BICDL2: variants seen among roughly 807,000 people sequenced by gnomAD.
The protein encoded by BICDL2 is BICD family like cargo adaptor 2.
BICDL2 carries 62 observed loss-of-function variants against 56.6 expected under a neutral mutation model. The ratio of observed to expected loss-of-function variants is 1.10; its 90% confidence interval spans 0.89 to 1.35. The LOEUF (loss-of-function observed/expected upper bound fraction) is 1.35, where lower values mean the gene tolerates loss of function less well. Ranked by LOEUF, BICDL2 falls within the 40% of genes most tolerant of loss-of-function variation. BICDL2 has a pLI of 0.00. For synonymous variants in BICDL2, 358 were observed against 319.8 expected (o/e 1.12, Z -1.27); for missense variants, 808 against 684.5 (o/e 1.18, Z -2.01).
Position 3,030,428 on chromosome 16 carries a change from TC to T in BICDL2, c.762+20del. 1 of 1,595,096 alleles carries T rather than the reference TC, an allele frequency of 6.3e-7. No individual in the cohort carries two copies. Reference sequence around the variant, plus strand: ...TTGCTAAGGGTCCAGGCAGTTGTAGTCCCCCAGCCCTGCAGGTCACCTCCAG... The same window carrying T: ...TTGCTAAGGGTCCAGGCAGTTGTAGTCCCCAGCCCTGCAGGTCACCTCCAG... On this transcript the variant is annotated intron_variant, in intron 5 of 9. Coordinates refer to ENST00000572449, the MANE Select transcript of BICDL2 (RefSeq NM_001369667.1).
Position 3,028,794 on chromosome 16 carries a change from C to T in BICDL2, c.1144G>A (p.Glu382Lys), listed in dbSNP as rs1325372321. 2.6e-6 allele frequency: 4 copies of T among 1,556,034 alleles called. No homozygotes were observed. The highest frequency in any genetic ancestry group is 2.4e-5 in the East Asian group (1 of 41,452). Reference sequence around the variant, plus strand: ...AGCTCCTTCTGCCTCTGCAGCTCTTCCCGCAGGGACTGCAGCTCTGCCTGC... The same window carrying T: ...AGCTCCTTCTGCCTCTGCAGCTCTTTCCGCAGGGACTGCAGCTCTGCCTGC... The part of the protein sequence containing the change: ...LQQAELQSLR[E>K]ELQRQKELRA... Residue 382 changes from glutamate to lysine, a missense_variant, in exon 8 of 10, where the codon GAA (glutamate) becomes AAA (lysine). By Grantham distance (56) the Glu-to-Lys change is moderately conservative (BLOSUM62 1). Coordinates refer to ENST00000572449, the MANE Select transcript of BICDL2 (RefSeq NM_001369667.1).
Position 3,028,377 on chromosome 16 carries a change from C to G in BICDL2, c.1330G>C (p.Ala444Pro). 6.4e-7 allele frequency: 1 copy of G among 1,551,216 alleles called. No homozygotes were observed. Among genetic ancestry groups the G allele is most frequent in the Non-Finnish European group, 8.6e-7 (1 of 1,156,592 alleles). Reference sequence around the variant, plus strand: ...CAGGCCTCCAGCTCCTGCGTGAGCGCCACCTTCTGGCGGATGGCGCGCAGC... The same window carrying G: ...CAGGCCTCCAGCTCCTGCGTGAGCGGCACCTTCTGGCGGATGGCGCGCAGC... ...ELLRAIRQKV[A>P]LTQELEAWQD... Residue 444 changes from alanine (A) to proline (P), a missense_variant, in exon 9 of 10, where the codon GCG becomes CCG. Ala to Pro is a conservative substitution (Grantham distance 27). Coordinates refer to ENST00000572449, the MANE Select transcript of BICDL2 (RefSeq NM_001369667.1).
Position 3,030,490 on chromosome 16 carries a change from AC to A in BICDL2, c.720del (p.Glu240AspfsTer5). 1 of 1,603,478 alleles carries A rather than the reference AC, an allele frequency of 6.2e-7. No homozygotes were observed. Among genetic ancestry groups the A allele is most frequent in the Non-Finnish European group, 8.5e-7 (1 of 1,179,344 alleles). On this transcript the variant is annotated frameshift_variant, in exon 5 of 10. Coordinates refer to ENST00000572449, the MANE Select transcript of BICDL2 (RefSeq NM_001369667.1). LOFTEE classifies it high-confidence loss of function. ...CGCCGCTCCCGCCTCAGCAGCAGCA[AC>A]TCCTCGTGGGTGGTCTGCAGTCTGC... is the stretch of plus-strand genomic sequence containing the variant. The part of the protein sequence containing the change: ...GEGRLQTTHE[E>X]LLLLRRERRE...
chr16:3,036,606 G>A, intron 1 of BICDL2: 1 of 447,542 alleles, frequency 2.2e-6, no homozygotes, highest in Non-Finnish European at 4.5e-6. Context: ...CGCGGGCCCC[G>A]CTCCCCCGCC....
At chr16:3,030,280 C>T (rs569140959) in intron 5 of BICDL2, 169 bp downstream of exon 5, 17 of 823,276 alleles carry the variant, frequency 2.1e-5, no homozygotes, top group Middle Eastern at 3.6e-4. Flanking sequence ...CATGCCTCAC[C>T]TGCTCAACAG....
chr16:3,028,247 C>A lies in BICDL2; in HGVS notation c.1386G>T (p.Gln462His). 1 of 1,477,002 alleles carries A rather than the reference C, an allele frequency of 6.8e-7. No individual in the cohort carries two copies. The highest frequency in any genetic ancestry group is 1.4e-5 in the South Asian group (1 of 72,282). 91.5% of individuals were successfully genotyped at this position (1,477,002 alleles called of 1,614,324 possible). A position where few individuals can be genotyped will look rare whatever the true frequency, so the allele number is the denominator to read the frequency against. Residue 462 changes from glutamine to histidine, a missense_variant, in exon 10 of 10, where the codon CAG (glutamine) becomes CAT (histidine). Gln to His is a conservative substitution (Grantham distance 24). Coordinates refer to ENST00000572449, the MANE Select transcript of BICDL2 (RefSeq NM_001369667.1). ...CCTTCTGGCGCTGTGAGCGCAGCTG[C>A]TGCCCGATCACCACCTGCATGTCGT... ...WQDDMQVVIG[Q>H]QLRSQRQKEL...
rs895550020 is a variant in BICDL2 at position 3,027,812 on chromosome 16, T to C, written c.*294A>G. 14 of 905,336 alleles carry C rather than the reference T, an allele frequency of 1.5e-5. No homozygotes were observed. Among genetic ancestry groups the C allele is most frequent in the African/African-American group, 5.1e-5 (3 of 58,916 alleles). 56.1% of individuals were successfully genotyped at this position (905,336 alleles called of 1,614,324 possible). ...GTGGAGTGATTTATATATTACTCTG[T>C]CCGATCTTGATACATAAATACCCAG... is the stretch of plus-strand genomic sequence containing the variant. On this transcript the variant is annotated 3_prime_UTR_variant, in exon 10 of 10. Coordinates refer to ENST00000572449, the MANE Select transcript of BICDL2 (RefSeq NM_001369667.1).
At chr16:3,035,879 A>G (rs891084358) in intron 1 of BICDL2, 23 of 307,826 alleles carry the variant, frequency 7.5e-5, no homozygotes, top group African/African-American at 4.8e-4. Flanking sequence ...CATCTGAGAC[A>G]GTTCCCAGAA....
rs1185809004 is a variant in BICDL2, at chr16:3,031,685, C to T, written c.283-535G>A. 3.2e-5 allele frequency: 13 copies of T among 401,448 alleles called. 1 individual carries two copies. Among genetic ancestry groups the T allele is most frequent in the African/African-American group, 1.6e-4 (8 of 48,752 alleles). The allele number at this position is 401,448 out of a possible 1,614,324, so 24.9% of individuals were successfully genotyped here. A position where few individuals can be genotyped will look rare whatever the true frequency, so the allele number is the denominator to read the frequency against. On this transcript the variant is annotated intron_variant, in intron 2 of 9. Transcript: ENST00000572449. The stretch of plus-strand genomic sequence containing the variant: ...GCCCAGCGTGGGGAGGCAGATGAAT[C>T]GGGGGTTAACCTCTGGCCCACTCTC...
At position 3,030,962 on chromosome 16, in the gene BICDL2, G is replaced by C. The variant is rs547453341; in HGVS notation, c.471C>G (p.Asn157Lys). The change falls in exon 3 of 10, where the codon AAC becomes AAG. Residue 157 changes from asparagine (N) to lysine (K), a missense_variant. Coordinates refer to ENST00000572449, the MANE Select transcript of BICDL2 (RefSeq NM_001369667.1). ...GAGCCAGCTGCTGGCTGAGCCGGAG[G>C]TTCTGCTCGCTGAGCTCGCTGAGGG... ...ARALSELSEQ[N>K]LRLSQQLAQA... 6.4e-7 allele frequency: 1 copy of C among 1,550,894 alleles called. No individual in the cohort carries two copies. The highest frequency in any genetic ancestry group is 1.4e-5 in the African/African-American group (1 of 73,538).
At position 3,035,378 on chromosome 16, in the gene BICDL2, C is replaced by G; in HGVS notation, c.119G>C (p.Gly40Ala). The G allele has an allele frequency of 6.2e-7, 1 of 1,608,500 alleles. No homozygotes were observed. Among genetic ancestry groups the G allele is most frequent in the Non-Finnish European group, 8.5e-7 (1 of 1,178,306 alleles). Residue 40 changes from glycine to alanine, a missense_variant, in exon 2 of 10, where the codon GGG becomes GCG. Coordinates refer to ENST00000572449, the MANE Select transcript of BICDL2 (RefSeq NM_001369667.1). ...CTCGGGCTCCTCAGGCCCTGGGCCC[C>G]CTCCCAGGAATGAGTCCCGCCGCTC... ...VLERRDSFLG[G>A]GPGPEEPEDL...
intron 2 of BICDL2, chr16:3,035,013 A>G: frequency 1.7e-6 from 1 of 594,532 alleles, no homozygotes; most frequent in Non-Finnish European, 3.0e-6. Flanking sequence ...CCCGGCACCC[A>G]GAGTTCATGT....
intron 8 of BICDL2, 40 bp downstream of exon 8, chr16:3,028,660 C>T (rs1374660302): frequency 1.3e-6 from 2 of 1,553,784 alleles, no homozygotes; most frequent in Non-Finnish European, 1.7e-6. Flanking sequence ...CAGGAGGGCC[C>T]AGAGGGCGCT....
chr16:3,034,571 C>A (rs1314327086), intron 2 of BICDL2, among the ~76,000 whole-genome samples: 2 of 150,742 alleles, frequency 1.3e-5, no homozygotes, highest in Non-Finnish European at 3.0e-5. Flanking sequence ...TGTGAGCCAC[C>A]ATGCCTGGCC....
At chr16:3,036,744 C>A (rs1207390254) in intron 1 of BICDL2, 150 bp downstream of exon 1, 5 of 392,288 alleles carry the variant, frequency 1.3e-5, no homozygotes, top group African/African-American at 2.2e-5. Context: ...TCACCCCCGA[C>A]GGCTGAGTTC....
intron 1 of BICDL2, chr16:3,036,536 A>G: frequency 4.4e-6 from 2 of 454,362 alleles, no homozygotes; most frequent in South Asian, 3.1e-5. Context: ...CGTGAGTGTC[A>G]CGGTGGTCCC....
Position 3,030,439 on chromosome 16 carries a change from T to G in BICDL2, c.762+10A>C, listed in dbSNP as rs1469064475. ...CCAGGCAGTTGTAGTCCCCCAGCCCTGCAGGTCACCTCCAGGCTGTGCTCC... is the reference window on the plus strand; with the variant it reads ...CCAGGCAGTTGTAGTCCCCCAGCCCGGCAGGTCACCTCCAGGCTGTGCTCC... On this transcript the variant is annotated intron_variant, in intron 5 of 9. Transcript: ENST00000572449. 1.3e-6 allele frequency: 2 copies of G among 1,597,496 alleles called. No individual in the cohort carries two copies. The highest frequency in any genetic ancestry group is 3.4e-5 in the Admixed American group (2 of 59,412).
In BICDL2 at chr16:3,029,717, G is replaced by A; in HGVS notation, c.785C>T (p.Ala262Val). ...CCGCAGCGCACTCAGCGCCTCCCCA[G>A]CCTCTGACCGTGCGCGTTCCAGCTG... The part of the protein sequence containing the change: ...SLELERARSE[A>V]GEALSALRRL... Residue 262 changes from alanine (A) to valine (V), a missense_variant, in exon 6 of 10, where the codon GCT becomes GTT. Coordinates refer to ENST00000572449, the MANE Select transcript of BICDL2 (RefSeq NM_001369667.1). The A allele has an allele frequency of 1.3e-6, 2 of 1,536,486 alleles. No homozygotes were observed. Among genetic ancestry groups the A allele is most frequent in the Non-Finnish European group, 1.7e-6 (2 of 1,148,808 alleles).
At chr16:3,029,173 G>T (rs1405603041) in intron 7 of BICDL2, 107 bp downstream of exon 7, 1 of 1,404,622 alleles carries the variant, frequency 7.1e-7, no homozygotes, top group Non-Finnish European at 9.6e-7. Flanking sequence ...GATGAAAGCC[G>T]ATCCAGGTAT....
Sources: allele counts gnomAD v4.1 joint callset (sites outside exome capture counted in the v4.1 genomes callset), GRCh38; gene constraint gnomAD v4.1.1; transcripts MANE v1.5; gene names NCBI Gene and HGNC (gene_info 2026-07-23, HGNC 2026-07-21).